HCLS1: variants seen among roughly 807,000 people sequenced by gnomAD.
HCLS1 encodes the protein hematopoietic lineage cell-specific protein.
Under a neutral mutation model 68.6 loss-of-function variants are expected in HCLS1, and 44 were observed. The ratio of observed to expected loss-of-function variants is 0.64; its 90% CI spans 0.50 to 0.82. The LOEUF (loss-of-function observed/expected upper bound fraction) is 0.82, where lower values mean the gene tolerates loss of function less well. Ranked by LOEUF, HCLS1 falls within the 40% of genes least tolerant of loss-of-function variation. HCLS1 has a pLI of 0.00. For synonymous variants in HCLS1, 217 were observed against 225.8 expected (o/e 0.96, Z 0.35); for missense variants, 602 against 612.1 (o/e 0.98, Z 0.17).
At chr3:121,649,148 C>T (rs1407415745) in intron 3 of HCLS1, among the ~76,000 whole-genome samples, 1 of 152,014 alleles carries the variant, frequency 6.6e-6, no homozygotes, top group East Asian at 1.9e-4. Context: ...GGGGATCATA[C>T]CAATGATATA....
chr3:121,655,019 C>A (rs1444305591), intron 3 of HCLS1, among the ~76,000 whole-genome samples: 1 of 152,166 alleles, frequency 6.6e-6, no homozygotes, highest in Non-Finnish European at 1.5e-5. Flanking sequence ...GGCCTGTTAC[C>A]AGCAGATACC....
At chr3:121,632,709 G>A in intron 11 of HCLS1, 146 bp from the exon 12 acceptor site, 2 of 675,420 alleles carry the variant, frequency 3.0e-6, no homozygotes, top group South Asian at 3.8e-5. Context: ...GGGGAACACA[G>A]CCTTTCATCC....
At chr3:121,658,139 A>C in intron 2 of HCLS1, 125 bp downstream of exon 2, 1 of 719,862 alleles carries the variant, frequency 1.4e-6, no homozygotes, top group South Asian at 1.6e-5. Flanking sequence ...AATTAGTCCC[A>C]GTATGAGGGC....
intron 6 of HCLS1, among the ~76,000 whole-genome samples, chr3:121,637,916 ACAGAGCGAGACTC>A: frequency 6.6e-6 from 1 of 151,894 alleles, no homozygotes; most frequent in South Asian, 2.1e-4. Flanking sequence ...AGCCTGGGTG[ACAGAGCGAGACTC>A]CATCTCAAAA....
chr3:121,648,256 C>T (rs542508843), intron 3 of HCLS1, among the ~76,000 whole-genome samples: 14 of 152,266 alleles, frequency 9.2e-5, no homozygotes, highest in African/African-American at 3.4e-4. Flanking sequence ...CTCAAATTAT[C>T]TTGATTTGAA....
intron 9 of HCLS1, among the ~76,000 whole-genome samples, chr3:121,635,487 A>G (rs1027239203): frequency 6.6e-6 from 1 of 151,874 alleles, no homozygotes; most frequent in Non-Finnish European, 1.5e-5. Flanking sequence ...CATGTTGTCC[A>G]AGCTGTTCTT....
At position 121,635,780 on chromosome 3, in the gene HCLS1, C is replaced by T. The variant is rs754450913; in HGVS notation, c.646G>A (p.Glu216Lys). The T allele has an allele frequency of 4.3e-6, 7 of 1,613,980 alleles. No homozygotes were observed. In the African/African-American group the frequency reaches 6.7e-5, roughly 15 times the overall value. The change falls in exon 9 of 14, where the codon GAG becomes AAG. Residue 216 changes from glutamate to lysine, a missense_variant. Glu to Lys is a moderately conservative substitution (Grantham distance 56). Transcript: ENST00000314583. ...DKSAVGFNEM[E>K]APTTAYKKTT... ...TTCTTATAAGCTGTGGTCGGGGCCTCCATTTCATTGAAGCCGACAGCGCTC... is the reference window on the plus strand; with the variant it reads ...TTCTTATAAGCTGTGGTCGGGGCCTTCATTTCATTGAAGCCGACAGCGCTC...
chr3:121,645,771 A>G (rs1339321804), intron 4 of HCLS1, among the ~76,000 whole-genome samples: 4 of 151,030 alleles, frequency 2.6e-5, no homozygotes, highest in Non-Finnish European at 5.9e-5. Flanking sequence ...GAACCAATGA[A>G]TGAGTCAAAA....
At chr3:121,645,847 A>C (rs1267752123) in intron 4 of HCLS1, among the ~76,000 whole-genome samples, 1 of 146,690 alleles carries the variant, frequency 6.8e-6, no homozygotes, top group African/African-American at 2.5e-5. Flanking sequence ...ATATACTTAA[A>C]TATTATATAC....
chr3:121,648,652 A>C (rs1937663024), intron 3 of HCLS1, among the ~76,000 whole-genome samples: 1 of 152,210 alleles, frequency 6.6e-6, no homozygotes, highest in Non-Finnish European at 1.5e-5. Flanking sequence ...TCACAGCAGA[A>C]ATTGTCTTCT....
chr3:121,649,694 C>T (rs563773621), intron 3 of HCLS1, among the ~76,000 whole-genome samples: 1 of 152,292 alleles, frequency 6.6e-6, no homozygotes, highest in South Asian at 2.1e-4. Context: ...AATTCCAATT[C>T]AATATGCTGT....
rs750394706 is a variant in HCLS1 at position 121,647,533 on chromosome 3, CT to C, written c.159-86del. ...CCCAGAAAAATGGAAGCCTTGAAGT[CT>C]GTCCTGTTTACTTTCAGTAATAACC... On this transcript the variant is annotated intron_variant, in intron 3 of 13. Coordinates refer to ENST00000314583, the MANE Select transcript of HCLS1 (RefSeq NM_005335.6). 1.7e-4 allele frequency: 251 copies of C among 1,435,342 alleles called. 1 individual carries two copies. The highest frequency in any genetic ancestry group is 2.4e-4 in the Non-Finnish European group (245 of 1,033,376). 88.9% of individuals were successfully genotyped at this position (1,435,342 alleles called of 1,614,324 possible).
Position 121,644,760 on chromosome 3 carries a change from C to T in HCLS1, c.399+58G>A, listed in dbSNP as rs780894566. The T allele has an allele frequency of 4.8e-5, 57 of 1,179,764 alleles. 2 individuals carry two copies. In the South Asian group the frequency reaches 5.0e-4, roughly 10 times the overall value. 73.1% of individuals were successfully genotyped at this position (1,179,764 alleles called of 1,614,324 possible). ...GCATGTGCCTCCATCCAGGGGTGAT[C>T]GTGGGCAATTTTCACAGGACTGGAG... On this transcript the variant is annotated intron_variant, in intron 5 of 13. Transcript: ENST00000314583.
chr3:121,658,057 C>G, intron 2 of HCLS1: 1 of 543,174 alleles, frequency 1.8e-6, no homozygotes, highest in Non-Finnish European at 3.3e-6. Flanking sequence ...CAAACTCACC[C>G]ACACCTGTCT....
chr3:121,656,164 T>C (rs1937865290), intron 3 of HCLS1: 1 of 152,160 alleles, frequency 6.6e-6, no homozygotes. Context: ...CATTTATTTC[T>C]GATTAAACAA....
In HCLS1 at chr3:121,644,940, C is replaced by T; in HGVS notation, c.289-12G>A. On this transcript the variant is annotated splice_polypyrimidine_tract_variant and intron_variant, in intron 4 of 13. Transcript: ENST00000314583. ...TGGCCCACTGCACTCTGAGAAAAATCAAGGATGGAGTGAGTGAAAAGATAA... is the reference window on the plus strand; with the variant it reads ...TGGCCCACTGCACTCTGAGAAAAATTAAGGATGGAGTGAGTGAAAAGATAA... The T allele has an allele frequency of 6.3e-7, 1 of 1,588,920 alleles. No individual in the cohort carries two copies. Among genetic ancestry groups the T allele is most frequent in the Non-Finnish European group, 8.6e-7 (1 of 1,157,020 alleles).
In HCLS1 at chr3:121,637,154, G is replaced by A; in HGVS notation, c.557C>T (p.Ser186Phe). 2 of 1,609,050 alleles carry A rather than the reference G, an allele frequency of 1.2e-6. No individual in the cohort carries two copies. Among genetic ancestry groups the A allele is most frequent in the East Asian group, 2.2e-5 (1 of 44,850 alleles). Residue 186 changes from serine (S) to phenylalanine (F), a missense_variant, in exon 7 of 14, where the codon TCC becomes TTC. By Grantham distance (155) the Ser-to-Phe change is radical. Transcript: ENST00000314583. ...DYKGETEKHE[S>F]QRDYAKGFGG... Reference sequence around the variant, plus strand: ...TTCCAACCCCAACTCACCTCTCTGGGACTCGTGTTTCTCCGTCTCTCCCTT... The same window carrying A: ...TTCCAACCCCAACTCACCTCTCTGGAACTCGTGTTTCTCCGTCTCTCCCTT...
intron 1 of HCLS1, among the ~76,000 whole-genome samples, chr3:121,658,936 G>A (rs1319139480): frequency 2.0e-5 from 3 of 152,154 alleles, no homozygotes; most frequent in African/African-American, 7.2e-5. Context: ...GGTCAGCAGC[G>A]ACAGTCGGCT....
At chr3:121,656,701 G>T (rs1937881222) in intron 3 of HCLS1, among the ~76,000 whole-genome samples, 1 of 152,112 alleles carries the variant, frequency 6.6e-6, no homozygotes, top group African/African-American at 2.4e-5. Flanking sequence ...ACCATTCATG[G>T]CTTCCAACTT....
Sources: allele counts gnomAD v4.1 joint callset (sites outside exome capture counted in the v4.1 genomes callset), GRCh38; gene constraint gnomAD v4.1.1; transcripts MANE v1.5; gene names NCBI Gene and HGNC (gene_info 2026-07-23, HGNC 2026-07-21).